Variants in BEND7 observed in about 807,000 individuals in gnomAD.
The protein encoded by BEND7 is BEN domain-containing protein 7.
A neutral mutation model predicts 50.9 loss-of-function variants in BEND7; 28 were observed. That is an observed-to-expected ratio of 0.55 (90% CI 0.41 to 0.75). The LOEUF (loss-of-function observed/expected upper bound fraction) is 0.75, where lower values mean the gene tolerates loss of function less well. Among genes scored for constraint, BEND7 ranks in the 30% least tolerant of loss-of-function variants. BEND7 has a pLI of 0.00. For synonymous variants in BEND7, 170 were observed against 183.9 expected (o/e 0.92, Z 0.61); for missense variants, 477 against 491.3 (o/e 0.97, Z 0.28).
chr10:13,499,694 A>G (rs199658601), intron 3 of BEND7, 84 bp downstream of exon 3: 1 of 1,388,074 alleles, frequency 7.2e-7, no homozygotes, highest in East Asian at 2.3e-5. Flanking sequence ...GGTTTAATAA[A>G]TTGAACTCAA....
Position 13,517,693 on chromosome 10 carries a change from A to G in BEND7, c.145+8445T>C, listed in dbSNP as rs1341001432. On this transcript the variant is annotated intron_variant, in intron 2 of 8. Transcript: ENST00000466271. ...CAGGAGTTGGAAGCTTTAGTAAGCT[A>G]TGATCACACCACTGCACTCCAGCCA... Among the ~76,000 whole-genome samples, 4 of 152,180 alleles carry G rather than the reference A, an allele frequency of 2.6e-5. No homozygotes were observed. The East Asian group carries it at 7.7e-4, about 29-fold the overall frequency.
chr10:13,502,063 G>GTATA lies in BEND7; in HGVS notation c.146-1987_146-1984dup, dbSNP rs35889301. 3.8e-4 allele frequency among the ~76,000 whole-genome samples: 57 copies of GTATA among 150,962 alleles called. No homozygotes were observed. The East Asian group carries it at 4.9e-3, about 13-fold the overall frequency. On this transcript the variant is annotated intron_variant, in intron 2 of 8. Coordinates refer to ENST00000466271, the MANE Select transcript of BEND7 (RefSeq NM_001369863.1). ...TCAATATATGTATATATAAGGATATGTATATATATATATGGATCAACATAA... is the reference window on the plus strand; with the variant it reads ...TCAATATATGTATATATAAGGATATGTATATATATATATATATGGATCAACATAA...
intron 6 of BEND7, chr10:13,480,538 T>A: frequency 7.5e-6 from 5 of 664,342 alleles, no homozygotes; most frequent in Non-Finnish European, 9.3e-6. Flanking sequence ...TTAAGAAGCA[T>A]CATAGCTTTA....
At chr10:13,500,431 T>C (rs910288688) in intron 2 of BEND7, 3 of 822,404 alleles carry the variant, frequency 3.6e-6, no homozygotes, top group African/African-American at 1.8e-5. Flanking sequence ...AGGATAGAAC[T>C]GGACCGCGGA....
intron 5 of BEND7, 74 bp downstream of exon 5, chr10:13,492,537 G>A (rs2076736312): frequency 1.9e-6 from 3 of 1,548,680 alleles, no homozygotes. Flanking sequence ...TGTCAAAAGG[G>A]AAATCTATAA....
intron 8 of BEND7, chr10:13,442,640 C>G (rs757678116): frequency 6.6e-6 from 1 of 152,150 alleles, no homozygotes; most frequent in Non-Finnish European, 1.5e-5. Flanking sequence ...GGTGCCAAAA[C>G]CCTGTAGCAC....
chr10:13,450,409 C>A (rs569181212), intron 7 of BEND7, among the ~76,000 whole-genome samples: 1 of 152,144 alleles, frequency 6.6e-6, no homozygotes, highest in African/African-American at 2.4e-5. Context: ...CGGTTCCTAT[C>A]GGCATCATGG....
chr10:13,497,788 T>C (rs984327631), intron 3 of BEND7, among the ~76,000 whole-genome samples: 2 of 152,196 alleles, frequency 1.3e-5, no homozygotes, highest in Non-Finnish European at 2.9e-5. Context: ...AGCGCTCACA[T>C]TGTCTCACAG....
At chr10:13,439,351 G>C (rs1194465664), downstream of BEND7, 2 of 1,614,056 alleles carry the variant, frequency 1.2e-6, no homozygotes, top group African/African-American at 1.3e-5. Flanking sequence ...TCTCTGGTAA[G>C]GTTGTTCAGG....
intron 5 of BEND7, among the ~76,000 whole-genome samples, chr10:13,481,908 C>T (rs1047657815): frequency 5.9e-5 from 9 of 152,200 alleles, no homozygotes; most frequent in African/African-American, 2.2e-4. Flanking sequence ...CGCACACGCT[C>T]GGCGCTCAGC....
intron 1 of BEND7, 38 bp downstream of exon 1, chr10:13,528,435 G>C: frequency 1.0e-6 from 1 of 981,364 alleles, no homozygotes; most frequent in Non-Finnish European, 1.2e-6. Flanking sequence ...AGGGCGCGGC[G>C]CCCGCTGCCT....
intron 5 of BEND7, among the ~76,000 whole-genome samples, chr10:13,485,295 C>G (rs1472320089): frequency 6.6e-6 from 1 of 152,100 alleles, no homozygotes; most frequent in African/African-American, 2.4e-5. Flanking sequence ...ACATAAAAAG[C>G]TACATGTGGT....
intron 7 of BEND7, among the ~76,000 whole-genome samples, chr10:13,451,754 T>TCC (rs141575572): frequency 3.5e-5 from 4 of 113,060 alleles, no homozygotes; most frequent in Non-Finnish European, 7.1e-5. Context: ...ATGCTATCCC[T>TCC]CCCCCTCCCC....
chr10:13,487,178 G>C (rs1396864949), intron 5 of BEND7, among the ~76,000 whole-genome samples: 1 of 152,084 alleles, frequency 6.6e-6, no homozygotes, highest in Non-Finnish European at 1.5e-5. Context: ...ATATCATACA[G>C]ATTTTTTCTA....
intron 2 of BEND7, among the ~76,000 whole-genome samples, chr10:13,509,919 T>C (rs1490022126): frequency 6.6e-6 from 1 of 152,238 alleles, no homozygotes; most frequent in African/African-American, 2.4e-5. Flanking sequence ...CAAAGATTTT[T>C]GTCTACTTAT....
intron 5 of BEND7, among the ~76,000 whole-genome samples, chr10:13,482,187 C>A (rs1281692026): frequency 2.0e-5 from 3 of 152,226 alleles, no homozygotes; most frequent in African/African-American, 7.2e-5. Context: ...TGGCATATAG[C>A]AGGCACTCCA....
At chr10:13,482,521 T>G (rs1176319794) in intron 5 of BEND7, among the ~76,000 whole-genome samples, 1 of 152,188 alleles carries the variant, frequency 6.6e-6, no homozygotes, top group Non-Finnish European at 1.5e-5. Context: ...TTTTGTCCTA[T>G]CACTTTTCAA....
At chr10:13,477,545 G>A (rs553544357) in intron 6 of BEND7, among the ~76,000 whole-genome samples, 7 of 152,310 alleles carry the variant, frequency 4.6e-5, no homozygotes, top group African/African-American at 1.4e-4. Context: ...AGCTACTTCT[G>A]AAAATCGCTT....
intron 7 of BEND7, among the ~76,000 whole-genome samples, chr10:13,447,982 C>A (rs563501378): frequency 1.3e-5 from 2 of 152,214 alleles, no homozygotes; most frequent in African/African-American, 4.8e-5. Context: ...TCCTGGGGGG[C>A]AGCTTAGGAA....
Sources: gnomAD v4.1 joint callset for allele counts (sites outside exome capture counted in the v4.1 genomes callset) on GRCh38, gnomAD v4.1.1 for gene constraint, MANE v1.5 for transcripts, NCBI Gene and HGNC (gene_info 2026-07-23, HGNC 2026-07-21) for gene names.